KCNB2: variants seen among roughly 807,000 people sequenced by gnomAD.
KCNB2 encodes delayed rectifier potassium channel protein.
Under a neutral mutation model 61.5 loss-of-function variants are expected in KCNB2, and 15 were observed. That is an observed-to-expected ratio of 0.24 (90% CI 0.16 to 0.38). The LOEUF is 0.38. Among genes scored for constraint, KCNB2 ranks in the 10% least tolerant of loss-of-function variants. The pLI is 1.00. For synonymous variants in KCNB2, 457 were observed against 446.0 expected (o/e 1.02, Z -0.31); for missense variants, 828 against 1,125.2 (o/e 0.74, Z 3.78).
At chr8:72,846,193 G>A (rs190286912) in intron 2 of KCNB2, among the ~76,000 whole-genome samples, 180 of 152,254 alleles carry the variant, frequency 1.2e-3, no homozygotes, top group African/African-American at 3.7e-3. Flanking sequence ...CCCTTGGCTA[G>A]GAGAAGGAGT....
intron 2 of KCNB2, among the ~76,000 whole-genome samples, chr8:72,914,235 G>C (rs1037629129): frequency 1.3e-5 from 2 of 152,064 alleles, no homozygotes; most frequent in Non-Finnish European, 2.9e-5. Flanking sequence ...ACCTCCCAAA[G>C]CATTCCCCCA....
intron 2 of KCNB2, chr8:72,875,008 T>G (rs1043359831): frequency 1.3e-5 from 2 of 152,316 alleles, no homozygotes; most frequent in Non-Finnish European, 2.9e-5. Flanking sequence ...TCCTCCAGCC[T>G]CAGCTGCTGC....
chr8:72,613,752 T>G (rs1805575855), intron 2 of KCNB2, among the ~76,000 whole-genome samples: 1 of 152,210 alleles, frequency 6.6e-6, no homozygotes, highest in South Asian at 2.1e-4. Flanking sequence ...AGTGCACTTG[T>G]TAGTTGCTGT....
chr8:72,720,455 A>T (rs1280326841), intron 2 of KCNB2, among the ~76,000 whole-genome samples: 1 of 152,126 alleles, frequency 6.6e-6, no homozygotes, highest in Non-Finnish European at 1.5e-5. Flanking sequence ...CTTCAAAAGG[A>T]ATCTTTCTTT....
At chr8:72,828,371 A>T (rs1809633423) in intron 2 of KCNB2, among the ~76,000 whole-genome samples, 1 of 152,168 alleles carries the variant, frequency 6.6e-6, no homozygotes, top group African/African-American at 2.4e-5. Flanking sequence ...TTAATAAAAA[A>T]TGGGTTAATG....
chr8:72,645,874 C>A (rs565917656), intron 2 of KCNB2, among the ~76,000 whole-genome samples: 1 of 152,268 alleles, frequency 6.6e-6, no homozygotes, highest in Non-Finnish European at 1.5e-5. Flanking sequence ...TGAGTCTTCA[C>A]AACTGTGGTC....
At chr8:72,709,424 A>T (rs191484089) in intron 2 of KCNB2, among the ~76,000 whole-genome samples, 19 of 152,048 alleles carry the variant, frequency 1.2e-4, no homozygotes, top group Non-Finnish European at 2.8e-4. Flanking sequence ...AAGAGATTTA[A>T]TTGGCTCACA....
chr8:72,624,102 C>T (rs1805752960), intron 2 of KCNB2, among the ~76,000 whole-genome samples: 1 of 152,204 alleles, frequency 6.6e-6, no homozygotes, highest in Non-Finnish European at 1.5e-5. Flanking sequence ...TCACTCTGCT[C>T]TTCTGTTTAC....
At chr8:72,741,528 G>A (rs1807959364) in intron 2 of KCNB2, among the ~76,000 whole-genome samples, 1 of 152,144 alleles carries the variant, frequency 6.6e-6, no homozygotes, top group African/African-American at 2.4e-5. Context: ...CCCAAGCAAT[G>A]TACACTGCAC....
chr8:72,625,220 C>G (rs1426638011), intron 2 of KCNB2, among the ~76,000 whole-genome samples: 1 of 152,122 alleles, frequency 6.6e-6, no homozygotes, highest in Non-Finnish European at 1.5e-5. Flanking sequence ...GAAACTAATA[C>G]AAACACCCTC....
intron 2 of KCNB2, among the ~76,000 whole-genome samples, chr8:72,843,553 C>T (rs1809933025): frequency 6.6e-6 from 1 of 152,060 alleles, no homozygotes; most frequent in Admixed American, 6.6e-5. Context: ...GTCTCCCACT[C>T]TTATTGTGTG....
At chr8:72,642,600 A>G (rs1367308314) in intron 2 of KCNB2, among the ~76,000 whole-genome samples, 1 of 152,116 alleles carries the variant, frequency 6.6e-6, no homozygotes, top group Admixed American at 6.6e-5. Flanking sequence ...GGTTGGAGGC[A>G]GGATAGTTGC....
intron 2 of KCNB2, among the ~76,000 whole-genome samples, chr8:72,905,606 T>C (rs887179179): frequency 4.6e-5 from 7 of 152,148 alleles, no homozygotes; most frequent in African/African-American, 1.4e-4. Flanking sequence ...TCCTCTGCTG[T>C]GGGCATTTGT....
At chr8:72,806,976 C>T (rs1563390948) in intron 2 of KCNB2, among the ~76,000 whole-genome samples, 1 of 152,156 alleles carries the variant, frequency 6.6e-6, no homozygotes, top group Non-Finnish European at 1.5e-5. Flanking sequence ...CTTCTCCTCA[C>T]CCCCTTTGGG....
intron 2 of KCNB2, among the ~76,000 whole-genome samples, chr8:72,585,627 C>T (rs1455927781): frequency 1.3e-5 from 2 of 152,144 alleles, no homozygotes; most frequent in Non-Finnish European, 2.9e-5. Context: ...TTCAGCCTCC[C>T]AAAGTGTTGG....
chr8:72,804,725 C>T (rs1809189472), intron 2 of KCNB2, among the ~76,000 whole-genome samples: 1 of 152,118 alleles, frequency 6.6e-6, no homozygotes, highest in Non-Finnish European at 1.5e-5. Flanking sequence ...AATTCATTAC[C>T]TCATTGAGCA....
intron 2 of KCNB2, among the ~76,000 whole-genome samples, chr8:72,831,697 G>T (rs571458689): frequency 9.5e-4 from 144 of 152,278 alleles, no homozygotes; most frequent in Non-Finnish European, 8.4e-4. Context: ...CCAAGTTGTT[G>T]AACCAATTTT....
At chr8:72,838,641 T>G (rs909181692) in intron 2 of KCNB2, among the ~76,000 whole-genome samples, 5 of 152,200 alleles carry the variant, frequency 3.3e-5, no homozygotes, top group African/African-American at 1.2e-4. Context: ...ATGGGATTGC[T>G]GCGTCAAATG....
intron 2 of KCNB2, among the ~76,000 whole-genome samples, chr8:72,703,043 A>G (rs1408148175): frequency 6.6e-6 from 1 of 152,192 alleles, no homozygotes; most frequent in East Asian, 1.9e-4. Context: ...TTTGTTTTTC[A>G]TCTTGCTGGA....
Sources: allele counts gnomAD v4.1 joint callset (sites outside exome capture counted in the v4.1 genomes callset), GRCh38; gene constraint gnomAD v4.1.1; transcripts MANE v1.5; gene names NCBI Gene and HGNC (gene_info 2026-07-23, HGNC 2026-07-21).